KDM2A: variants seen among roughly 807,000 people sequenced by gnomAD.
KDM2A encodes lysine-specific demethylase 2A.
KDM2A carries 3 observed loss-of-function variants against 137.3 expected under a neutral mutation model. The observed-to-expected ratio is 0.02, with a 90% CI of 0.01 to 0.06. KDM2A has a LOEUF of 0.06. KDM2A is among the 10% of genes least tolerant of loss of function. KDM2A has a pLI of 1.00. For missense variants in KDM2A, 738 were observed against 1,510.6 expected, an observed-to-expected ratio of 0.49 and a Z score of 8.48; for synonymous variants, 512 against 541.5, an observed-to-expected ratio of 0.95 and a Z score of 0.76.
intron 5 of KDM2A, among the ~76,000 whole-genome samples, chr11:67,184,960 G>A (rs1857171852): frequency 1.3e-5 from 2 of 151,920 alleles, no homozygotes; most frequent in African/African-American, 2.4e-5. Flanking sequence ...AAATCATAAG[G>A]CATACGAAGA....
rs1391580572 is a variant in KDM2A, at chr11:67,227,970, T to A, written c.958-67T>A. 5.3e-6 allele frequency: 8 copies of A among 1,497,572 alleles called. No homozygotes were observed. The Admixed American group carries it at 1.2e-4, about 22-fold the overall frequency. The allele number at this position is 1,497,572 out of a possible 1,614,324, so 92.8% of individuals were successfully genotyped here. A position where few individuals can be genotyped will look rare whatever the true frequency, so the allele number is the denominator to read the frequency against. The stretch of plus-strand genomic sequence containing the variant: ...GTATTTCCTGGGTTAATGATTACAG[T>A]AATTCCATTTGTTGTACTCTCTTTC... On this transcript the variant is annotated intron_variant, in intron 10 of 20. Transcript: ENST00000529006.
At chr11:67,252,901 A>C in intron 18 of KDM2A, 44 bp downstream of exon 18, 1 of 1,563,414 alleles carries the variant, frequency 6.4e-7, no homozygotes. Context: ...GGCCCAGAAG[A>C]AGCGGGCAAG....
rs562702700 is a variant in KDM2A at position 67,191,528 on chromosome 11, A to G, written c.307+9636A>G. Among the ~76,000 whole-genome samples, 15 of 152,366 alleles carry G rather than the reference A, an allele frequency of 9.8e-5. No homozygotes were observed. In the South Asian group the frequency reaches 1.2e-3, roughly 13 times the overall value. On this transcript the variant is annotated intron_variant, in intron 5 of 20. Coordinates refer to ENST00000529006, the MANE Select transcript of KDM2A (RefSeq NM_012308.3). The stretch of plus-strand genomic sequence containing the variant: ...CAAGTGGGATTTATTCCTGGAATAG[A>G]TGATTTGACATGTGAAAATCAATCA...
In KDM2A at chr11:67,255,569, C is replaced by T. The variant is rs111685640; in HGVS notation, c.*514C>T. The T allele has an allele frequency of 3.8e-4, 172 of 456,700 alleles. No individual in the cohort carries two copies. The highest frequency in any genetic ancestry group is 6.8e-4 in the Non-Finnish European group (154 of 227,066). The allele number at this position is 456,700 out of a possible 1,614,324, so 28.3% of individuals were successfully genotyped here. ...CCAGCAGCCCCAGGAGTCCCAGACCCGTGCCGATCACACTGGTGCTGTTGA... is the reference window on the plus strand; with the variant it reads ...CCAGCAGCCCCAGGAGTCCCAGACCTGTGCCGATCACACTGGTGCTGTTGA... On this transcript the variant is annotated 3_prime_UTR_variant, in exon 21 of 21. Transcript: ENST00000529006.
At chr11:67,208,052 T>C (rs1043761227) in intron 6 of KDM2A, among the ~76,000 whole-genome samples, 6 of 152,066 alleles carry the variant, frequency 3.9e-5, no homozygotes, top group Middle Eastern at 3.4e-3. Context: ...ATAAAATGCG[T>C]TGTTTTTATA....
At chr11:67,192,846 AAG>A (rs1565397078) in intron 5 of KDM2A, among the ~76,000 whole-genome samples, 3 of 152,164 alleles carry the variant, frequency 2.0e-5, no homozygotes. Flanking sequence ...AAGTGGGCCA[AAG>A]AGTATACATT....
At chr11:67,124,048 G>T (rs1196064398) in intron 2 of KDM2A, among the ~76,000 whole-genome samples, 1 of 152,098 alleles carries the variant, frequency 6.6e-6, no homozygotes, top group Non-Finnish European at 1.5e-5. Flanking sequence ...CTGTTGCCCA[G>T]GCTGGAGTGC....
chr11:67,165,549 G>A (rs1053942576), intron 2 of KDM2A, among the ~76,000 whole-genome samples: 1 of 152,166 alleles, frequency 6.6e-6, no homozygotes, highest in Non-Finnish European at 1.5e-5. Flanking sequence ...ACTGACCTTT[G>A]TCTATGAATC....
intron 2 of KDM2A, among the ~76,000 whole-genome samples, chr11:67,174,347 G>A (rs1313906442): frequency 6.6e-6 from 1 of 152,186 alleles, no homozygotes; most frequent in Admixed American, 6.5e-5. Flanking sequence ...TACTGACTCA[G>A]TGAATATTCT....
rs768655731 is a variant in KDM2A, at chr11:67,250,052, G to A, written c.2056-34G>A. The A allele has an allele frequency of 6.6e-7, 1 of 1,519,492 alleles. No homozygotes were observed. Among genetic ancestry groups the A allele is most frequent in the South Asian group, 1.2e-5 (1 of 80,178 alleles). The allele number at this position is 1,519,492 out of a possible 1,614,324, so 94.1% of individuals were successfully genotyped here. A position where few individuals can be genotyped will look rare whatever the true frequency, so the allele number is the denominator to read the frequency against. On this transcript the variant is annotated intron_variant, in intron 16 of 20. Transcript: ENST00000529006. The surrounding 1 kb of genome is among the most constrained non-coding windows in gnomAD (Gnocchi z 7.1). The stretch of plus-strand genomic sequence containing the variant: ...GTTCAGAGGGTTTGGAAGAAAGGAA[G>A]CACTGATGTTGCTTTTCTGGGCCTG...
chr11:67,161,510 G>A (rs187930090), intron 2 of KDM2A, among the ~76,000 whole-genome samples: 8 of 152,202 alleles, frequency 5.3e-5, no homozygotes, highest in South Asian at 2.1e-4. Context: ...ATATTACTAC[G>A]TATTACTATT....
chr11:67,207,883 T>G (rs1396861614), intron 6 of KDM2A, among the ~76,000 whole-genome samples, 195 bp downstream of exon 6: 3 of 151,780 alleles, frequency 2.0e-5, no homozygotes, highest in Non-Finnish European at 4.4e-5. Flanking sequence ...AAAAAAAAAT[T>G]AGCTGGGTGT....
intron 6 of KDM2A, among the ~76,000 whole-genome samples, chr11:67,211,260 G>A (rs1368523770): frequency 5.3e-5 from 8 of 151,984 alleles, no homozygotes; most frequent in East Asian, 1.9e-4. Context: ...CATTTTAAGT[G>A]TGCATTTCAG....
chr11:67,219,518 G>T, intron 10 of KDM2A, 115 bp downstream of exon 10: 1 of 503,992 alleles, frequency 2.0e-6, no homozygotes. Flanking sequence ...CAGTTAAAAT[G>T]CAGTGTTGAC....
chr11:67,166,770 T>C (rs569309032), intron 2 of KDM2A, among the ~76,000 whole-genome samples: 3 of 152,194 alleles, frequency 2.0e-5, no homozygotes, highest in Non-Finnish European at 2.9e-5. Context: ...GGTTGGAAAC[T>C]GAGCAGGTCA....
intron 2 of KDM2A, among the ~76,000 whole-genome samples, chr11:67,170,989 C>A (rs1206678142): frequency 6.6e-6 from 1 of 152,096 alleles, no homozygotes; most frequent in Non-Finnish European, 1.5e-5. Context: ...TTACTTCTTT[C>A]ATTTTCCTTG....
At chr11:67,151,788 G>A (rs1269782358) in intron 2 of KDM2A, among the ~76,000 whole-genome samples, 5 of 152,106 alleles carry the variant, frequency 3.3e-5, no homozygotes. Flanking sequence ...CTCTTACCCA[G>A]ACTGGAGTGT....
chr11:67,168,551 C>T (rs1856799486), intron 2 of KDM2A, among the ~76,000 whole-genome samples: 1 of 108,146 alleles, frequency 9.2e-6, no homozygotes, highest in African/African-American at 3.7e-5. Flanking sequence ...ATAATACACA[C>T]ACACACACAC....
intron 5 of KDM2A, among the ~76,000 whole-genome samples, chr11:67,187,058 A>T (rs1288127303): frequency 2.0e-5 from 3 of 152,244 alleles, no homozygotes; most frequent in Non-Finnish European, 4.4e-5. Flanking sequence ...TTTGAATAGT[A>T]GTGAAGTCAA....
Sources: gnomAD v4.1 joint callset for allele counts (sites outside exome capture counted in the v4.1 genomes callset) on GRCh38, gnomAD v4.1.1 for gene constraint, Gnocchi (gnomAD v3.1) non-coding constraint, MANE v1.5 for transcripts, NCBI Gene and HGNC (gene_info 2026-07-23, HGNC 2026-07-21) for gene names.